DNM3: variants seen among roughly 807,000 people sequenced by gnomAD.
DNM3 encodes dynamin 3.
A neutral mutation model predicts 101.6 loss-of-function variants in DNM3; 47 were observed. The observed-to-expected ratio is 0.46, with a 90% CI of 0.37 to 0.59. The LOEUF (loss-of-function observed/expected upper bound fraction) is 0.59, where lower values mean the gene tolerates loss of function less well. Among genes scored for constraint, DNM3 ranks in the 20% least tolerant of loss-of-function variants. DNM3 has a pLI of 0.00. For synonymous variants in DNM3, 385 were observed against 387.9 expected, an observed-to-expected ratio of 0.99 and a Z score of 0.09; for missense variants, 849 against 1,085.7, an observed-to-expected ratio of 0.78 and a Z score of 3.06.
chr1:172,172,501 A>T (rs1410942896), intron 14 of DNM3, among the ~76,000 whole-genome samples: 1 of 151,758 alleles, frequency 6.6e-6, no homozygotes, highest in Non-Finnish European at 1.5e-5. Context: ...TGCACAGTTT[A>T]TAACTTATGA....
chr1:171,878,608 T>A (rs2035986565), intron 1 of DNM3, among the ~76,000 whole-genome samples: 1 of 152,148 alleles, frequency 6.6e-6, no homozygotes, highest in Admixed American at 6.5e-5. Context: ...TTTTTCTGCA[T>A]GGGCGTGAAC....
chr1:172,220,883 A>G (rs886451018), intron 14 of DNM3, among the ~76,000 whole-genome samples: 1 of 152,190 alleles, frequency 6.6e-6, no homozygotes, highest in African/African-American at 2.4e-5. Flanking sequence ...GGCACATTAA[A>G]GTTTTCATTT....
intron 16 of DNM3, among the ~76,000 whole-genome samples, chr1:172,316,461 A>C (rs1330100653): frequency 3.3e-5 from 5 of 152,146 alleles, no homozygotes; most frequent in African/African-American, 1.2e-4. Flanking sequence ...ATAAAGAATC[A>C]AGACCCATCA....
chr1:172,295,380 A>AT (rs1442622509), intron 15 of DNM3, among the ~76,000 whole-genome samples: 2 of 152,206 alleles, frequency 1.3e-5, no homozygotes, highest in East Asian at 3.8e-4. Context: ...AACAAAACTG[A>AT]ATACAATTAA....
intron 20 of DNM3, among the ~76,000 whole-genome samples, chr1:172,391,190 T>A (rs1195048947): frequency 6.6e-6 from 1 of 152,162 alleles, no homozygotes; most frequent in African/African-American, 2.4e-5. Context: ...AGAACCAGAC[T>A]TTACTTGATC....
chr1:172,387,050 ACTCTG>A, intron 18 of DNM3, 78 bp from the exon 19 acceptor site: 3 of 1,195,496 alleles, frequency 2.5e-6, no homozygotes, highest in Non-Finnish European at 3.7e-6. Flanking sequence ...CTTTGTCCAG[ACTCTG>A]ACTGCCACAG....
At chr1:172,259,295 T>G (rs2148706878) in intron 15 of DNM3, among the ~76,000 whole-genome samples, 1 of 152,266 alleles carries the variant, frequency 6.6e-6, no homozygotes, top group Non-Finnish European at 1.5e-5. Flanking sequence ...AATCCAATGT[T>G]TCTTCGTTAA....
intron 2 of DNM3, among the ~76,000 whole-genome samples, chr1:171,941,393 A>G (rs536115208): frequency 1.3e-5 from 2 of 152,330 alleles, no homozygotes; most frequent in African/African-American, 4.8e-5. Flanking sequence ...GGATACTATA[A>G]TAGCAGAGTT....
At chr1:172,292,415 C>A (rs2063958475) in intron 15 of DNM3, among the ~76,000 whole-genome samples, 2 of 152,136 alleles carry the variant, frequency 1.3e-5, no homozygotes, top group South Asian at 4.1e-4. Flanking sequence ...GCAAAAGTTC[C>A]ACCAATATCT....
chr1:172,053,431 G>T (rs2050347136), intron 10 of DNM3, among the ~76,000 whole-genome samples: 1 of 151,888 alleles, frequency 6.6e-6, no homozygotes, highest in Admixed American at 6.6e-5. Context: ...CCTTTTTAGT[G>T]CTTCTGTTGA....
chr1:172,146,584 C>T (rs1490208716), intron 14 of DNM3, among the ~76,000 whole-genome samples: 1 of 152,042 alleles, frequency 6.6e-6, no homozygotes, highest in Admixed American at 6.6e-5. Flanking sequence ...TTGCATATTA[C>T]TGGAAATGAT....
intron 13 of DNM3, among the ~76,000 whole-genome samples, chr1:172,098,345 A>C (rs1307803236): frequency 6.6e-6 from 1 of 152,182 alleles, no homozygotes; most frequent in Admixed American, 6.5e-5. Flanking sequence ...TTTGCTTTTG[A>C]AAGAAGAGAA....
At chr1:172,212,038 G>T (rs2060531404) in intron 14 of DNM3, among the ~76,000 whole-genome samples, 1 of 152,068 alleles carries the variant, frequency 6.6e-6, no homozygotes, top group Non-Finnish European at 1.5e-5. Flanking sequence ...GAATGAATTT[G>T]TAGCTAATAG....
At chr1:171,976,988 G>T (rs1028435161) in intron 2 of DNM3, among the ~76,000 whole-genome samples, 5 of 151,982 alleles carry the variant, frequency 3.3e-5, no homozygotes, top group African/African-American at 4.8e-5. Flanking sequence ...GAATTTTCAT[G>T]ACAAAGTCTC....
chr1:172,117,077 T>G (rs545893171), intron 13 of DNM3, among the ~76,000 whole-genome samples: 6 of 152,102 alleles, frequency 3.9e-5, no homozygotes, highest in African/African-American at 1.4e-4. Flanking sequence ...TGGTGGTGCA[T>G]GCTTGTAATC....
In DNM3 at chr1:172,409,825, T is replaced by C. The variant is rs941153086; in HGVS notation, c.*1984T>C. 1.0e-6 allele frequency: 1 copy of C among 985,796 alleles called. No individual in the cohort carries two copies. The allele number at this position is 985,796 out of a possible 1,614,324, so 61.1% of individuals were successfully genotyped here. A position where few individuals can be genotyped will look rare whatever the true frequency, so the allele number is the denominator to read the frequency against. On this transcript the variant is annotated 3_prime_UTR_variant, in exon 21 of 21. Transcript: ENST00000627582. Reference sequence around the variant, plus strand: ...GATTATATACTTCAGGGTTTGGCTTTGTGCTAAATGTGGTTTTGTGTTTTG... The same window carrying C: ...GATTATATACTTCAGGGTTTGGCTTCGTGCTAAATGTGGTTTTGTGTTTTG...
chr1:172,132,821 A>C (rs914131359), intron 14 of DNM3: 2 of 723,122 alleles, frequency 2.8e-6, no homozygotes, highest in Non-Finnish European at 2.5e-6. Flanking sequence ...GTTGATGAGA[A>C]AACTAAAAAT....
intron 13 of DNM3, among the ~76,000 whole-genome samples, chr1:172,101,730 C>T (rs1390347165): frequency 6.6e-6 from 1 of 152,158 alleles, no homozygotes; most frequent in Non-Finnish European, 1.5e-5. Flanking sequence ...ATCTTAATCA[C>T]CATGTTTAAC....
chr1:172,133,741 T>A (rs1194741246), intron 14 of DNM3, among the ~76,000 whole-genome samples: 1 of 152,060 alleles, frequency 6.6e-6, no homozygotes, highest in Non-Finnish European at 1.5e-5. Flanking sequence ...ACTGAGATGA[T>A]GAGCTGTGCA....
Sources: gnomAD v4.1 joint callset for allele counts (sites outside exome capture counted in the v4.1 genomes callset) on GRCh38, gnomAD v4.1.1 for gene constraint, MANE v1.5 for transcripts, NCBI Gene and HGNC (gene_info 2026-07-23, HGNC 2026-07-21) for gene names.